The following MGMT variants were observed in gnomAD, a reference collection of about 807,000 sequenced individuals.
The protein encoded by MGMT is O-6-methylguanine-DNA methyltransferase.
In MGMT, 14 loss-of-function variants were observed where a neutral mutation model predicts 15.9. The observed-to-expected ratio is 0.88, with a 90% CI of 0.58 to 1.37. The LOEUF is 1.37. MGMT is among the 40% of genes most tolerant of loss of function. The probability of loss-of-function intolerance (pLI) is 0.00; values close to 1 mark genes in which losing one functional copy is unlikely to be tolerated. For missense variants in MGMT, 282 were observed against 268.1 expected (o/e 1.05, Z -0.36); for synonymous variants, 130 against 118.2 (o/e 1.10, Z -0.65).
intron 2 of MGMT, among the ~76,000 whole-genome samples, chr10:129,575,675 A>G (rs1459946706): frequency 2.7e-5 from 4 of 150,502 alleles, no homozygotes; most frequent in African/African-American, 9.7e-5. Context: ...AGCAAGAAAT[A>G]ACTAAGATCA....
At chr10:129,686,573 T>C (rs146204218) in intron 2 of MGMT, among the ~76,000 whole-genome samples, 2 of 151,624 alleles carry the variant, frequency 1.3e-5, no homozygotes, top group Non-Finnish European at 2.9e-5. Context: ...TGGGGTTTTC[T>C]GCTGCTCTCA....
rs149613476 is a variant in MGMT at position 129,528,247 on chromosome 10, C to T, written c.-12-7994C>T. Among the ~76,000 whole-genome samples the T allele has an allele frequency of 8.4e-3, 1,275 of 152,240 alleles. 11 individuals are homozygous for T. The highest frequency in any genetic ancestry group is 0.018 in the South Asian group (86 of 4,812). ...AAGAAAAAACAGGAATTCCTCAGAA[C>T]ACAGACTTGAAACCAGCCCAACGTT... is the stretch of plus-strand genomic sequence containing the variant. On this transcript the variant is annotated intron_variant, in intron 1 of 4. Transcript: ENST00000651593.
intron 2 of MGMT, among the ~76,000 whole-genome samples, chr10:129,600,019 A>G (rs1846800890): frequency 6.6e-6 from 1 of 152,174 alleles, no homozygotes; most frequent in Non-Finnish European, 1.5e-5. Flanking sequence ...TCTGCTAGCA[A>G]TTTGACGGGT....
chr10:129,487,053 T>A (rs1382438984), intron 1 of MGMT, among the ~76,000 whole-genome samples: 1 of 152,202 alleles, frequency 6.6e-6, no homozygotes, highest in Non-Finnish European at 1.5e-5. Context: ...TCTTTTGTCC[T>A]GGGCTACTTG....
At chr10:129,627,699 G>C (rs1235575872) in intron 2 of MGMT, among the ~76,000 whole-genome samples, 3 of 152,064 alleles carry the variant, frequency 2.0e-5, no homozygotes, top group Non-Finnish European at 4.4e-5. Context: ...CTTCATATTT[G>C]GCTCTTGTAT....
At position 129,633,609 on chromosome 10, in the gene MGMT, G is replaced by A. The variant is rs571514950; in HGVS notation, c.126-74286G>A. Among the ~76,000 whole-genome samples, 135 of 152,124 alleles carry A rather than the reference G, an allele frequency of 8.9e-4. 1 individual carries two copies. The highest frequency in any genetic ancestry group is 1.9e-4 in the East Asian group (1 of 5,186). On this transcript the variant is annotated intron_variant, in intron 2 of 4. Transcript: ENST00000651593. ...ACTTTTACTTATTTTTAAAATTTAAGCAATACAGGAAAGCAAAAGAAATAA... is the reference window on the plus strand; with the variant it reads ...ACTTTTACTTATTTTTAAAATTTAAACAATACAGGAAAGCAAAAGAAATAA...
In MGMT at chr10:129,689,655, T is replaced by C. The variant is rs556719101; in HGVS notation, c.126-18240T>C. ...TTTTCTTGGTCGATTGTGCCAGCTC[T>C]TATAAAAATATTATGCTCCCAGGCA... On this transcript the variant is annotated intron_variant, in intron 2 of 4. Coordinates refer to ENST00000651593, the MANE Select transcript of MGMT (RefSeq NM_002412.5). 3.9e-5 allele frequency among the ~76,000 whole-genome samples: 6 copies of C among 152,380 alleles called. No individual in the cohort carries two copies. In the South Asian group the frequency reaches 1.2e-3, roughly 32 times the overall value.
At chr10:129,698,089 C>A (rs1848052666) in intron 2 of MGMT, among the ~76,000 whole-genome samples, 1 of 152,108 alleles carries the variant, frequency 6.6e-6, no homozygotes, top group African/African-American at 2.4e-5. Flanking sequence ...CACTCCAGAG[C>A]CTGCAGGGGT....
intron 3 of MGMT, among the ~76,000 whole-genome samples, chr10:129,733,385 G>T (rs574113076): frequency 2.0e-5 from 3 of 151,928 alleles, no homozygotes; most frequent in Non-Finnish European, 4.4e-5. Context: ...CATGTCCTTC[G>T]CCCACTTTTT....
chr10:129,557,784 A>G (rs188836338), intron 2 of MGMT, among the ~76,000 whole-genome samples: 11 of 152,310 alleles, frequency 7.2e-5, no homozygotes, highest in African/African-American at 2.2e-4. Flanking sequence ...AAGTAGAATT[A>G]TTAGATTTGA....
At chr10:129,484,682 G>A (rs1845390934) in intron 1 of MGMT, among the ~76,000 whole-genome samples, 1 of 152,188 alleles carries the variant, frequency 6.6e-6, no homozygotes, top group African/African-American at 2.4e-5. Context: ...TAGACATTGA[G>A]AGTTTTGTTG....
chr10:129,467,709 C>A (rs1252648478), intron 1 of MGMT, among the ~76,000 whole-genome samples: 1 of 152,218 alleles, frequency 6.6e-6, no homozygotes, highest in Non-Finnish European at 1.5e-5. Context: ...CATACTTAGG[C>A]AGAGTCCCAT....
At chr10:129,530,818 G>A (rs977176168) in intron 1 of MGMT, among the ~76,000 whole-genome samples, 19 of 152,204 alleles carry the variant, frequency 1.2e-4, no homozygotes, top group African/African-American at 4.1e-4. Context: ...CTCTCGTGGC[G>A]GGTGCCTTCA....
At chr10:129,629,023 C>A (rs1847181889) in intron 2 of MGMT, among the ~76,000 whole-genome samples, 1 of 152,238 alleles carries the variant, frequency 6.6e-6, no homozygotes, top group Admixed American at 6.5e-5. Flanking sequence ...TGACACCTCT[C>A]CTGCAGCACA....
intron 1 of MGMT, among the ~76,000 whole-genome samples, chr10:129,517,028 G>A (rs1402437308): frequency 6.6e-6 from 1 of 152,244 alleles, no homozygotes; most frequent in East Asian, 1.9e-4. Flanking sequence ...ACAAACTGGT[G>A]TCCAGCAGTC....
intron 1 of MGMT, among the ~76,000 whole-genome samples, chr10:129,535,187 C>T (rs745550057): frequency 1.3e-5 from 2 of 152,088 alleles, no homozygotes; most frequent in African/African-American, 2.4e-5. Flanking sequence ...TGATGGGAGC[C>T]GTGAGGATGG....
chr10:129,616,323 G>A (rs1042206357), intron 2 of MGMT, among the ~76,000 whole-genome samples: 2 of 152,182 alleles, frequency 1.3e-5, no homozygotes, highest in Non-Finnish European at 1.5e-5. Context: ...CGGAGAGGCC[G>A]CCCAGGCAGG....
chr10:129,690,919 G>A (rs1847962590), intron 2 of MGMT, among the ~76,000 whole-genome samples: 1 of 152,206 alleles, frequency 6.6e-6, no homozygotes, highest in Non-Finnish European at 1.5e-5. Flanking sequence ...GCAGGATGGT[G>A]ACAACCAGGC....
At chr10:129,668,314 T>G (rs1055264224) in intron 2 of MGMT, among the ~76,000 whole-genome samples, 2 of 152,070 alleles carry the variant, frequency 1.3e-5, no homozygotes, top group African/African-American at 4.8e-5. Context: ...CCTTTAGAAG[T>G]ATAAAAACCA....
Sources: allele counts gnomAD v4.1 joint callset (sites outside exome capture counted in the v4.1 genomes callset), GRCh38; gene constraint gnomAD v4.1.1; transcripts MANE v1.5; gene names NCBI Gene and HGNC (gene_info 2026-07-23, HGNC 2026-07-21).